EXOC6B: variants seen among roughly 807,000 people sequenced by gnomAD.
The protein encoded by EXOC6B is exocyst complex component 6B, also known as SEC15 homolog B.
A neutral mutation model predicts 113.5 loss-of-function variants in EXOC6B; 54 were observed. The observed-to-expected ratio is 0.48, with a 90% CI of 0.38 to 0.60. EXOC6B has a LOEUF of 0.60. Ranked by LOEUF, EXOC6B falls within the 20% of genes least tolerant of loss-of-function variation. The pLI is 0.00. For synonymous variants in EXOC6B, 357 were observed against 339.0 expected (o/e 1.05, Z -0.58); for missense variants, 797 against 977.5 (o/e 0.82, Z 2.46).
At chr2:72,451,990 A>G (rs925473004) in intron 18 of EXOC6B, among the ~76,000 whole-genome samples, 2 of 152,072 alleles carry the variant, frequency 1.3e-5, no homozygotes, top group Non-Finnish European at 2.9e-5. Context: ...CAACATGTAC[A>G]ATATATATGC....
intron 17 of EXOC6B, among the ~76,000 whole-genome samples, chr2:72,466,951 T>C (rs1698094627): frequency 6.6e-6 from 1 of 152,220 alleles, no homozygotes; most frequent in African/African-American, 2.4e-5. Context: ...AAATAATTCC[T>C]TCTATCTAAC....
intron 1 of EXOC6B, among the ~76,000 whole-genome samples, chr2:72,801,308 A>AATAATTT (rs1685258498): frequency 6.6e-6 from 1 of 152,232 alleles, no homozygotes. Context: ...AGTACTTGCA[A>AATAATTT]ATAATTTATA....
chr2:72,480,491 T>G (rs1224499104), intron 17 of EXOC6B, 125 bp downstream of exon 17: 3 of 883,634 alleles, frequency 3.4e-6, no homozygotes, highest in Non-Finnish European at 4.8e-6. Flanking sequence ...AAACCAAACA[T>G]ATCATAAACA....
chr2:72,498,595 T>G lies in EXOC6B; in HGVS notation c.1240-44A>C, dbSNP rs377415818. 1.2e-3 allele frequency: 1,662 copies of G among 1,381,904 alleles called. 4 individuals are homozygous for G. Among genetic ancestry groups the G allele is most frequent in the Non-Finnish European group, 1.5e-3 (1,544 of 1,024,762 alleles). 85.6% of individuals were successfully genotyped at this position (1,381,904 alleles called of 1,614,324 possible). On this transcript the variant is annotated intron_variant, in intron 12 of 21. Transcript: ENST00000272427. Reference sequence around the variant, plus strand: ...ATCACTTCAGTGTCTAAGGAAGGAGTTTTTTTTTCGGTTTTTTTTTTTTTT... The same window carrying G: ...ATCACTTCAGTGTCTAAGGAAGGAGGTTTTTTTTCGGTTTTTTTTTTTTTT...
intron 1 of EXOC6B, among the ~76,000 whole-genome samples, chr2:72,749,267 T>C (rs1681891964): frequency 6.6e-6 from 1 of 152,238 alleles, no homozygotes; most frequent in South Asian, 2.1e-4. Flanking sequence ...GGAGTTATAA[T>C]ACACTTGGTA....
chr2:72,348,314 G>A (rs1333344425), intron 19 of EXOC6B, among the ~76,000 whole-genome samples: 2 of 152,010 alleles, frequency 1.3e-5, no homozygotes, highest in African/African-American at 2.4e-5. Flanking sequence ...GAATTTTGGG[G>A]GAACATAAAT....
chr2:72,422,652 C>A (rs1297293518), intron 18 of EXOC6B, among the ~76,000 whole-genome samples: 1 of 151,410 alleles, frequency 6.6e-6, no homozygotes, highest in East Asian at 1.9e-4. Context: ...TATCTAGCTG[C>A]TGTGGTAGGG....
Position 72,823,459 on chromosome 2 carries a change from G to GAAAAAAAAA in EXOC6B, c.113+2330_113+2338dup, listed in dbSNP as rs1237385156. ...CCAACTTCTCAAATCAAAGTTTTAAGAAAAAAAAAAAAAAAAAAACAAAAA... is the reference window on the plus strand; with the variant it reads ...CCAACTTCTCAAATCAAAGTTTTAAGAAAAAAAAAAAAAAAAAAAAAAAAAAAACAAAAA... On this transcript the variant is annotated intron_variant, in intron 1 of 21. Transcript: ENST00000272427. Among the ~76,000 whole-genome samples, 143 of 70,004 alleles carry GAAAAAAAAA rather than the reference G, an allele frequency of 2.0e-3. 19 individuals are homozygous for GAAAAAAAAA. The highest frequency in any genetic ancestry group is 6.2e-3 in the Admixed American group (32 of 5,190). 45.9% of individuals were successfully genotyped at this position (70,004 alleles called of 152,430 possible).
At chr2:72,297,183 C>A (rs2104738038) in intron 20 of EXOC6B, among the ~76,000 whole-genome samples, 1 of 152,222 alleles carries the variant, frequency 6.6e-6, no homozygotes, top group South Asian at 2.1e-4. Flanking sequence ...TTTTAAATTT[C>A]ATATGTCTTG....
chr2:72,465,331 T>C lies in EXOC6B; in HGVS notation c.1809A>G (p.Arg603=), dbSNP rs1364993053. 6.4e-7 allele frequency: 1 copy of C among 1,574,410 alleles called. No individual in the cohort carries two copies. The highest frequency in any genetic ancestry group is 1.4e-5 in the African/African-American group (1 of 73,370). Residue 603 remains arginine (R), a synonymous_variant, in exon 18 of 22, where the codon AGA becomes AGG. Transcript: ENST00000272427. ...TATAAATCTCTTCTTCAGCTGCATG[T>C]CTAGCATCCTGTGAAAAAATATAAA... ...LYGTTTFKDA[R]HAAEEEIYTN...
intron 18 of EXOC6B, among the ~76,000 whole-genome samples, chr2:72,446,460 A>G (rs978478417): frequency 5.9e-5 from 9 of 152,142 alleles, no homozygotes; most frequent in African/African-American, 2.2e-4. Context: ...AAAGAATATC[A>G]TGTCTTTTAT....
At chr2:72,350,333 G>T (rs934133417) in intron 19 of EXOC6B, among the ~76,000 whole-genome samples, 1 of 151,930 alleles carries the variant, frequency 6.6e-6, no homozygotes, top group Non-Finnish European at 1.5e-5. Flanking sequence ...TCTAGGATTC[G>T]TTGATAACTT....
chr2:72,457,203 A>C (rs1264755420), intron 18 of EXOC6B, among the ~76,000 whole-genome samples: 1 of 152,130 alleles, frequency 6.6e-6, no homozygotes, highest in Non-Finnish European at 1.5e-5. Flanking sequence ...TAATGGGAGT[A>C]CTGACAGTTT....
At chr2:72,457,484 T>C (rs1367946816) in intron 18 of EXOC6B, among the ~76,000 whole-genome samples, 1 of 152,086 alleles carries the variant, frequency 6.6e-6, no homozygotes, top group Non-Finnish European at 1.5e-5. Context: ...TGAGAGATCT[T>C]GCCCTATGTC....
intron 6 of EXOC6B, among the ~76,000 whole-genome samples, chr2:72,712,866 A>G (rs1460994025): frequency 6.6e-6 from 1 of 152,216 alleles, no homozygotes; most frequent in African/African-American, 2.4e-5. Context: ...AGTTCTATCT[A>G]AAGACCTTTA....
intron 6 of EXOC6B, among the ~76,000 whole-genome samples, chr2:72,641,055 CA>C (rs1673186502): frequency 6.6e-6 from 1 of 152,192 alleles, no homozygotes; most frequent in Non-Finnish European, 1.5e-5. Flanking sequence ...CAATATTTGA[CA>C]GATTATCAAG....
chr2:72,652,726 T>C (rs1674279656), intron 6 of EXOC6B, among the ~76,000 whole-genome samples: 2 of 148,262 alleles, frequency 1.3e-5, no homozygotes, highest in Non-Finnish European at 3.0e-5. Context: ...TATGAAATTA[T>C]ATATAATTAT....
chr2:72,789,872 A>C (rs368547270), intron 1 of EXOC6B, among the ~76,000 whole-genome samples: 1 of 152,200 alleles, frequency 6.6e-6, no homozygotes, highest in Non-Finnish European at 1.5e-5. Context: ...GCAGGGGGGA[A>C]CTTGACACAC....
chr2:72,280,001 G>T (rs1232008718), intron 20 of EXOC6B, among the ~76,000 whole-genome samples: 1 of 151,960 alleles, frequency 6.6e-6, no homozygotes, highest in Non-Finnish European at 1.5e-5. Context: ...AACAATGATG[G>T]CAACAACAAC....
Sources: allele counts gnomAD v4.1 joint callset (sites outside exome capture counted in the v4.1 genomes callset), GRCh38; gene constraint gnomAD v4.1.1; transcripts MANE v1.5; gene names NCBI Gene and HGNC (gene_info 2026-07-23, HGNC 2026-07-21).